The following RABGEF1 variants were observed in gnomAD, a reference collection of about 807,000 sequenced individuals.
The protein encoded by RABGEF1 is rab5 GDP/GTP exchange factor.
A neutral mutation model predicts 57.3 loss-of-function variants in RABGEF1; 26 were observed. That is an observed-to-expected ratio of 0.45 (90% CI 0.33 to 0.63). The LOEUF is 0.63. Ranked by LOEUF, RABGEF1 falls within the 20% of genes least tolerant of loss-of-function variation. The probability of loss-of-function intolerance (pLI) is 0.02; values close to 1 mark genes in which losing one functional copy is unlikely to be tolerated. For synonymous variants in RABGEF1, 185 were observed against 210.7 expected (o/e 0.88, Z 1.06); for missense variants, 464 against 607.6 (o/e 0.76, Z 2.48).
At chr7:66,659,831 C>T in the RABGEF1 span, among the ~76,000 whole-genome samples, 5 of 151,696 alleles carry the variant, frequency 3.3e-5, no homozygotes, top group South Asian at 8.3e-4. Flanking sequence ...TCAAATCAGT[C>T]ACCTAACTAT....
At chr7:66,696,895 G>C (rs1241473899) in intron 1 of RABGEF1, among the ~76,000 whole-genome samples, 1 of 152,118 alleles carries the variant, frequency 6.6e-6, no homozygotes, top group African/African-American at 2.4e-5. Flanking sequence ...ACATGGTGCA[G>C]GTTCCCTTGG....
Position 66,805,322 on chromosome 7 carries a change from A to T in RABGEF1, c.1003A>T (p.Ile335Phe). Residue 335 changes from isoleucine (I) to phenylalanine (F), a missense_variant, in exon 8 of 9, where the codon ATC becomes TTC. Physicochemically the swap from Ile to Phe is conservative, Grantham distance 21. Around this residue, in one of 4 missense-constraint regions of RABGEF1, gnomAD observed 284 missense variants for 389.9 expected, o/e 0.73. Transcript: ENST00000284957. The part of the protein sequence containing the change: ...KGNPPRLQSN[I>F]QYITRFCNPS... ...CAACCCCCCACGCCTTCAGTCTAATATCCAGTATATCACGCGCTTCTGCAA... is the reference window on the plus strand; with the variant it reads ...CAACCCCCCACGCCTTCAGTCTAATTTCCAGTATATCACGCGCTTCTGCAA... 3 of 1,614,162 alleles carry T rather than the reference A, an allele frequency of 1.9e-6. No individual in the cohort carries two copies. Among genetic ancestry groups the T allele is most frequent in the Non-Finnish European group, 2.5e-6 (3 of 1,180,036 alleles).
chr7:66,713,575 G>A (rs1297079400), intron 2 of RABGEF1, among the ~76,000 whole-genome samples: 1 of 152,200 alleles, frequency 6.6e-6, no homozygotes, highest in Non-Finnish European at 1.5e-5. Context: ...CAGGAGCGAT[G>A]AGAATGAACA....
intron 1 of RABGEF1, among the ~76,000 whole-genome samples, chr7:66,752,072 T>C (rs1490599624): frequency 6.6e-6 from 1 of 152,018 alleles, no homozygotes; most frequent in Admixed American, 6.5e-5. Flanking sequence ...CCAGGTGTTG[T>C]GGCTTGAACT....
At chr7:66,797,165 A>C (rs1400849964) in intron 5 of RABGEF1, among the ~76,000 whole-genome samples, 2 of 151,852 alleles carry the variant, frequency 1.3e-5, no homozygotes, top group African/African-American at 4.8e-5. Flanking sequence ...TTATTCAGGC[A>C]TGGTGGCGTG....
chr7:66,678,025 C>A (rs1387551621), upstream of RABGEF1, among the ~76,000 whole-genome samples: 1 of 151,814 alleles, frequency 6.6e-6, no homozygotes, highest in African/African-American at 2.4e-5. Flanking sequence ...GATTGTGACA[C>A]TGCACTCCAG....
At chr7:66,746,940 C>T (rs954785059) in intron 1 of RABGEF1, among the ~76,000 whole-genome samples, 9 of 139,938 alleles carry the variant, frequency 6.4e-5, no homozygotes, top group South Asian at 2.4e-4. Context: ...TTAACAGGCA[C>T]GCGCCACCAT....
intron 1 of RABGEF1, among the ~76,000 whole-genome samples, chr7:66,689,316 G>GA (rs140626639): frequency 3.3e-4 from 47 of 142,354 alleles, no homozygotes; most frequent in African/African-American, 4.9e-4. Flanking sequence ...GATTTACTAA[G>GA]AAAAAAAAAA....
At chr7:66,788,965 AAATAAT>A (rs1473507897) in intron 4 of RABGEF1, among the ~76,000 whole-genome samples, 1 of 152,084 alleles carries the variant, frequency 6.6e-6, no homozygotes, top group African/African-American at 2.4e-5. Flanking sequence ...TCTCAAAAAA[AAATAAT>A]AATAATAATC....
At chr7:66,738,731 C>CAAAAAAA (rs546724986), upstream of RABGEF1, among the ~76,000 whole-genome samples, 4 of 94,960 alleles carry the variant, frequency 4.2e-5, no homozygotes, top group South Asian at 3.5e-4. Context: ...GACTCTAACT[C>CAAAAAAA]AAAAAAAAAA....
chr7:66,735,621 G>A (rs538518050), intron 2 of RABGEF1, among the ~76,000 whole-genome samples: 1 of 152,310 alleles, frequency 6.6e-6, no homozygotes, highest in Non-Finnish European at 1.5e-5. Context: ...CTTTGGTGCT[G>A]TTCTCGTGAT....
intron 1 of RABGEF1, chr7:66,768,715 A>G (rs1441376012): frequency 6.6e-6 from 1 of 152,228 alleles, no homozygotes; most frequent in East Asian, 1.9e-4. Flanking sequence ...ATAGCGTCAG[A>G]TCCATGCATA....
At chr7:66,805,945 G>T (rs538087443) in intron 8 of RABGEF1, among the ~76,000 whole-genome samples, 3 of 150,120 alleles carry the variant, frequency 2.0e-5, no homozygotes, top group African/African-American at 2.5e-5. Flanking sequence ...GGGTCTCGCT[G>T]TGTTGCCCAG....
intron 1 of RABGEF1, among the ~76,000 whole-genome samples, chr7:66,757,408 T>A (rs1440646725): frequency 1.3e-5 from 2 of 152,240 alleles, no homozygotes; most frequent in African/African-American, 4.8e-5. Flanking sequence ...TGTTTTATTT[T>A]CTTTAGGCCT....
intron 1 of RABGEF1, among the ~76,000 whole-genome samples, chr7:66,763,927 T>G (rs945976637): frequency 6.6e-6 from 1 of 152,248 alleles, no homozygotes; most frequent in Non-Finnish European, 1.5e-5. Flanking sequence ...CTATTATGGA[T>G]AATGCTGATA....
intron 4 of RABGEF1, among the ~76,000 whole-genome samples, chr7:66,790,322 T>C (rs576756666): frequency 2.6e-5 from 4 of 152,222 alleles, no homozygotes; most frequent in South Asian, 2.1e-4. Flanking sequence ...TCCACCCTTA[T>C]GCGCATGAGG....
At chr7:66,658,533 CAAAAAAAAAAAA>C in the RABGEF1 span, among the ~76,000 whole-genome samples, 1 of 75,564 alleles carries the variant, frequency 1.3e-5, no homozygotes, top group Non-Finnish European at 2.7e-5. Flanking sequence ...ACTTCGTCTC[CAAAAAAAAAAAA>C]AAAAAAGAAA....
At chr7:66,704,105 T>C (rs74572563) in intron 1 of RABGEF1, among the ~76,000 whole-genome samples, 2,289 of 152,346 alleles carry the variant, frequency 0.015, 62 homozygotes, top group East Asian at 0.093. Flanking sequence ...ATTGCAAGTG[T>C]ATAGAACAGA....
At chr7:66,669,375 A>C in the RABGEF1 span, 1 of 152,282 alleles carries the variant, frequency 6.6e-6, no homozygotes, top group Non-Finnish European at 1.5e-5. Context: ...CCAGGCGCCA[A>C]TATGGGGTAA....
Sources: allele counts gnomAD v4.1 joint callset (sites outside exome capture counted in the v4.1 genomes callset), GRCh38; gene constraint gnomAD v4.1.1; regional missense constraint gnomAD v4.1.1; transcripts MANE v1.5; gene names NCBI Gene and HGNC (gene_info 2026-07-23, HGNC 2026-07-21).